Variants in NTRK3 observed in about 807,000 individuals in gnomAD.
NTRK3 encodes NT-3 growth factor receptor.
A neutral mutation model predicts 91.7 loss-of-function variants in NTRK3; 24 were observed. The ratio of observed to expected loss-of-function variants is 0.26; its 90% CI spans 0.19 to 0.37. The LOEUF (loss-of-function observed/expected upper bound fraction) is 0.37, where lower values mean the gene tolerates loss of function less well. Ranked by LOEUF, NTRK3 falls within the 10% of genes least tolerant of loss-of-function variation. NTRK3 has a pLI of 1.00. For missense variants in NTRK3, 880 were observed against 1,068.9 expected, an observed-to-expected ratio of 0.82 and a Z score of 2.46; for synonymous variants, 483 against 404.0, an observed-to-expected ratio of 1.20 and a Z score of -2.34.
chr15:88,044,347 G>A (rs1567283297), intron 13 of NTRK3, among the ~76,000 whole-genome samples: 2 of 138,706 alleles, frequency 1.4e-5, no homozygotes, highest in Non-Finnish European at 3.0e-5. Flanking sequence ...TGCAAGCTCT[G>A]CCTCCCGGGT....
intron 13 of NTRK3, among the ~76,000 whole-genome samples, chr15:88,121,660 C>G (rs2052717430): frequency 6.6e-6 from 1 of 152,184 alleles, no homozygotes; most frequent in South Asian, 2.1e-4. Context: ...GTACACACCT[C>G]CCAACCACCC....
intron 13 of NTRK3, among the ~76,000 whole-genome samples, chr15:88,082,059 G>A (rs754880882): frequency 2.0e-5 from 3 of 152,118 alleles, no homozygotes; most frequent in Non-Finnish European, 4.4e-5. Flanking sequence ...GGCAGATCAC[G>A]AGGCCAGGAG....
At chr15:88,142,470 C>T (rs989257855) in intron 6 of NTRK3, among the ~76,000 whole-genome samples, 3 of 152,258 alleles carry the variant, frequency 2.0e-5, no homozygotes, top group South Asian at 4.1e-4. Context: ...AAGGCCACCA[C>T]TGGATATTTA....
At chr15:87,929,117 TG>T (rs1347157309) in intron 17 of NTRK3, 73 bp downstream of exon 17, 5 of 1,611,184 alleles carry the variant, frequency 3.1e-6, no homozygotes, top group Non-Finnish European at 4.2e-6. Context: ...ACAGGGTTAA[TG>T]GACAATGAAA....
intron 13 of NTRK3, among the ~76,000 whole-genome samples, chr15:88,099,542 A>G (rs1387359138): frequency 1.3e-5 from 2 of 152,202 alleles, no homozygotes; most frequent in South Asian, 2.1e-4. Context: ...TTAATGATTC[A>G]TGAAACAAAG....
intron 14 of NTRK3, among the ~76,000 whole-genome samples, chr15:87,957,391 T>C (rs1241390173): frequency 6.6e-6 from 1 of 152,004 alleles, no homozygotes; most frequent in Non-Finnish European, 1.5e-5. Context: ...CTGTGGGACA[T>C]TGTGTGGCTT....
At chr15:88,135,865 C>T (rs756527507) in intron 9 of NTRK3, 34 bp downstream of exon 9, 9 of 1,612,886 alleles carry the variant, frequency 5.6e-6, no homozygotes, top group Non-Finnish European at 7.6e-6. Context: ...TTGCCCCTCA[C>T]ACACAGCCAT....
chr15:88,162,081 G>T (rs2044508142), intron 5 of NTRK3, among the ~76,000 whole-genome samples: 1 of 152,142 alleles, frequency 6.6e-6, no homozygotes, highest in Admixed American at 6.5e-5. Flanking sequence ...CTGGGACTAA[G>T]AATTCTAAAT....
At chr15:88,078,523 G>A (rs1266810668) in intron 13 of NTRK3, among the ~76,000 whole-genome samples, 11 of 152,142 alleles carry the variant, frequency 7.2e-5, no homozygotes, top group African/African-American at 1.4e-4. Context: ...GGTGGTGCAC[G>A]CCTGTAATCT....
intron 5 of NTRK3, among the ~76,000 whole-genome samples, chr15:88,179,291 A>C (rs1231687751): frequency 6.6e-6 from 1 of 152,188 alleles, no homozygotes; most frequent in Admixed American, 6.5e-5. Flanking sequence ...TCTGTGAAAA[A>C]ACATTGCCTC....
At chr15:87,894,043 AT>A (rs1455598474) in intron 17 of NTRK3, among the ~76,000 whole-genome samples, 2 of 152,192 alleles carry the variant, frequency 1.3e-5, no homozygotes, top group African/African-American at 4.8e-5. Flanking sequence ...GGTAAGTGCC[AT>A]TTTTTTATTT....
At chr15:87,998,905 G>C (rs1483109213) in intron 14 of NTRK3, among the ~76,000 whole-genome samples, 1 of 152,188 alleles carries the variant, frequency 6.6e-6, no homozygotes, top group African/African-American at 2.4e-5. Context: ...GGGAGTGTGG[G>C]GGGAGGAGGA....
intron 17 of NTRK3, among the ~76,000 whole-genome samples, chr15:87,892,152 C>A (rs1411425167): frequency 6.6e-6 from 1 of 151,032 alleles, no homozygotes; most frequent in East Asian, 2.0e-4. Flanking sequence ...GGACAAACTT[C>A]TCACCCATTC....
At chr15:88,003,603 G>A (rs892486834) in intron 14 of NTRK3, among the ~76,000 whole-genome samples, 37 of 152,182 alleles carry the variant, frequency 2.4e-4, no homozygotes, top group African/African-American at 8.7e-4. Context: ...CAGGTAGGAT[G>A]CCTCCAACAA....
At chr15:88,215,136 T>G (rs1268986500) in intron 3 of NTRK3, among the ~76,000 whole-genome samples, 1 of 152,252 alleles carries the variant, frequency 6.6e-6, no homozygotes, top group Non-Finnish European at 1.5e-5. Context: ...CCATAAGCAC[T>G]GTGGGTTTGC....
At chr15:88,049,450 A>T (rs528820021) in intron 13 of NTRK3, among the ~76,000 whole-genome samples, 1 of 152,316 alleles carries the variant, frequency 6.6e-6, no homozygotes, top group African/African-American at 2.4e-5. Context: ...TGTAATTTTA[A>T]AGTGTCCACT....
chr15:88,063,233 C>T (rs1346689443), intron 13 of NTRK3, among the ~76,000 whole-genome samples: 2 of 152,234 alleles, frequency 1.3e-5, no homozygotes, highest in Admixed American at 6.5e-5. Flanking sequence ...GTGATGTCAA[C>T]AATGACGATG....
intron 3 of NTRK3, among the ~76,000 whole-genome samples, chr15:88,203,849 T>A (rs527491236): frequency 1.2e-4 from 19 of 152,126 alleles, no homozygotes; most frequent in East Asian, 3.9e-4. Context: ...ATAATTTTTT[T>A]AAAAAAAAGC....
At chr15:88,151,956 G>T (rs1455281836) in intron 5 of NTRK3, among the ~76,000 whole-genome samples, 2 of 152,144 alleles carry the variant, frequency 1.3e-5, no homozygotes, top group Non-Finnish European at 2.9e-5. Flanking sequence ...TCTCACTTGA[G>T]TGTTTTCTGT....
Sources: allele counts gnomAD v4.1 joint callset (sites outside exome capture counted in the v4.1 genomes callset), GRCh38; gene constraint gnomAD v4.1.1; transcripts MANE v1.5; gene names NCBI Gene and HGNC (gene_info 2026-07-23, HGNC 2026-07-21).